CHODL: variants seen among roughly 807,000 people sequenced by gnomAD.
CHODL encodes transmembrane protein MT75.
CHODL carries 29 observed loss-of-function variants against 34.5 expected under a neutral mutation model. That is an observed-to-expected ratio of 0.84 (90% CI 0.63 to 1.15). The LOEUF (loss-of-function observed/expected upper bound fraction) is 1.15. Ranked by LOEUF, CHODL falls within the 50% of genes most tolerant of loss-of-function variation. The probability of loss-of-function intolerance (pLI) is 0.00; values close to 1 mark genes in which losing one functional copy is unlikely to be tolerated. For synonymous variants in CHODL, 125 were observed against 116.1 expected (o/e 1.08, Z -0.49); for missense variants, 332 against 332.5 (o/e 1.00, Z 0.01).
intron 2 of CHODL, among the ~76,000 whole-genome samples, chr21:18,097,322 C>G (rs112490230): frequency 0.014 from 2,194 of 152,034 alleles, 48 homozygotes; most frequent in African/African-American, 0.049. Context: ...TTTGGAAAAA[C>G]CTAAAGAATC....
intron 2 of CHODL, among the ~76,000 whole-genome samples, chr21:18,195,275 C>T (rs544546050): frequency 5.3e-5 from 8 of 152,064 alleles, no homozygotes; most frequent in African/African-American, 1.4e-4. Context: ...AGGATGGTCT[C>T]GATCTCCTGA....
intron 2 of CHODL, among the ~76,000 whole-genome samples, chr21:18,190,394 G>GA (rs1461469679): frequency 1.3e-5 from 2 of 152,046 alleles, no homozygotes; most frequent in Non-Finnish European, 2.9e-5. Flanking sequence ...CTGTTTGTGG[G>GA]AAAAAAATTG....
At chr21:17,990,510 C>CTA (rs1229459403) in intron 1 of CHODL, among the ~76,000 whole-genome samples, 1 of 152,050 alleles carries the variant, frequency 6.6e-6, no homozygotes, top group Non-Finnish European at 1.5e-5. Flanking sequence ...CATTGTTATA[C>CTA]TATATATACT....
chr21:18,239,164 G>A (rs1421000517), intron 2 of CHODL, among the ~76,000 whole-genome samples: 1 of 152,130 alleles, frequency 6.6e-6, no homozygotes, highest in Non-Finnish European at 1.5e-5. Flanking sequence ...TCTTTGGAAT[G>A]TAGAATATGT....
intron 2 of CHODL, among the ~76,000 whole-genome samples, chr21:18,094,169 A>G (rs1483229023): frequency 6.6e-6 from 1 of 152,178 alleles, no homozygotes; most frequent in Non-Finnish European, 1.5e-5. Context: ...GCAACAGAAT[A>G]TAACAACTTT....
chr21:18,213,467 T>C (rs111577941), intron 2 of CHODL, among the ~76,000 whole-genome samples: 6,484 of 152,122 alleles, frequency 0.043, 174 homozygotes, highest in Non-Finnish European at 0.056. Context: ...CAAAAAACAC[T>C]TTTCAGTTAT....
intron 1 of CHODL, among the ~76,000 whole-genome samples, chr21:17,997,357 G>T (rs2146395381): frequency 6.6e-6 from 1 of 152,306 alleles, no homozygotes; most frequent in South Asian, 2.1e-4. Flanking sequence ...TGCTGTGTGT[G>T]TTTCTGATTC....
chr21:18,227,630 A>G (rs1322074351), intron 2 of CHODL, among the ~76,000 whole-genome samples: 2 of 152,162 alleles, frequency 1.3e-5, no homozygotes, highest in Admixed American at 6.6e-5. Flanking sequence ...CTATGCAATG[A>G]CATGGGAGGA....
chr21:18,028,323 C>CTTGCTTCCTTCCTTCCTTCCTTCT (rs1555853396), intron 2 of CHODL, among the ~76,000 whole-genome samples: 14 of 108,010 alleles, frequency 1.3e-4, no homozygotes, highest in African/African-American at 5.3e-4. Context: ...TCCTTCCTTC[C>CTTGCTTCCTTCCTTCCTTCCTTCT]TTCCTTCCTC....
chr21:18,005,982 G>A (rs999770732), intron 1 of CHODL, among the ~76,000 whole-genome samples: 1 of 152,166 alleles, frequency 6.6e-6, no homozygotes, highest in African/African-American at 2.4e-5. Context: ...CTGAATTATG[G>A]GGGCGGGTCT....
chr21:18,117,019 G>A (rs1292181951), intron 2 of CHODL, among the ~76,000 whole-genome samples: 2 of 152,174 alleles, frequency 1.3e-5, no homozygotes, highest in African/African-American at 4.8e-5. Context: ...TCCAGAAGGG[G>A]TCAGCCAGCA....
At chr21:18,107,145 C>T (rs1024999975) in intron 2 of CHODL, among the ~76,000 whole-genome samples, 2 of 152,122 alleles carry the variant, frequency 1.3e-5, no homozygotes, top group African/African-American at 4.8e-5. Context: ...TTTATATTTC[C>T]TTTTAATCTG....
chr21:18,065,451 G>A (rs1395141399), intron 2 of CHODL, among the ~76,000 whole-genome samples: 2 of 152,196 alleles, frequency 1.3e-5, no homozygotes, highest in African/African-American at 4.8e-5. Flanking sequence ...CACGCAAGGA[G>A]TTTTGAGCAT....
intron 2 of CHODL, among the ~76,000 whole-genome samples, chr21:18,110,411 C>A (rs1277904411): frequency 1.3e-5 from 2 of 152,148 alleles, no homozygotes; most frequent in African/African-American, 4.8e-5. Context: ...GTGGTGTTGT[C>A]TAGCATATGA....
intron 2 of CHODL, among the ~76,000 whole-genome samples, chr21:18,108,990 C>T (rs2055012): frequency 0.76 from 115,246 of 151,908 alleles, 45,255 homozygotes; most frequent in Middle Eastern, 0.88. Flanking sequence ...AGACTGACAG[C>T]TATAAGAGAT....
rs927936599 is a variant in CHODL at position 17,920,618 on chromosome 21, A to G, written c.-145+3218A>G. ...ATATACTAAACTCACAAGTTGTTGT[A>G]AGGATTAAACAAGAAAATACATTTA... On this transcript the variant is annotated intron_variant, in intron 1 of 6. Coordinates refer to the CHODL transcript ENST00000400127. Among the ~76,000 whole-genome samples, 24 of 152,336 alleles carry G rather than the reference A, an allele frequency of 1.6e-4. No homozygotes were observed. In the South Asian group the frequency reaches 3.9e-3, roughly 25 times the overall value.
chr21:18,179,529 G>A (rs1459813806), intron 2 of CHODL, among the ~76,000 whole-genome samples: 1 of 152,134 alleles, frequency 6.6e-6, no homozygotes, highest in Non-Finnish European at 1.5e-5. Context: ...CTCTAGAGTT[G>A]TGGCAGTTTT....
At chr21:18,132,835 C>T (rs1039346633) in intron 2 of CHODL, among the ~76,000 whole-genome samples, 1 of 152,080 alleles carries the variant, frequency 6.6e-6, no homozygotes, top group African/African-American at 2.4e-5. Context: ...CCTCCCACCT[C>T]CATCCCGTCC....
At chr21:18,014,465 A>G (rs2064051764) in intron 1 of CHODL, among the ~76,000 whole-genome samples, 1 of 152,200 alleles carries the variant, frequency 6.6e-6, no homozygotes, top group South Asian at 2.1e-4. Context: ...AATAGATACT[A>G]TGGACTACTA....
Sources: allele counts gnomAD v4.1 joint callset (sites outside exome capture counted in the v4.1 genomes callset), GRCh38; gene constraint gnomAD v4.1.1; transcripts MANE v1.5; gene names NCBI Gene and HGNC (gene_info 2026-07-23, HGNC 2026-07-21).